Variants in NBEA observed in about 807,000 individuals in gnomAD.
The protein encoded by NBEA is lysosomal-trafficking regulator 2.
A neutral mutation model predicts 343.4 loss-of-function variants in NBEA; 44 were observed. The observed-to-expected ratio is 0.13, with a 90% CI of 0.10 to 0.16. The LOEUF (loss-of-function observed/expected upper bound fraction) is 0.16, where lower values mean the gene tolerates loss of function less well. Ranked by LOEUF, NBEA falls within the 10% of genes least tolerant of loss-of-function variation. NBEA has a pLI of 1.00. For missense variants in NBEA, 2,555 were observed against 3,631.3 expected (o/e 0.70, Z 7.62); for synonymous variants, 1,175 against 1,238.7 (o/e 0.95, Z 1.08).
chr13:35,269,271 C>T (rs533971768), intron 34 of NBEA, among the ~76,000 whole-genome samples: 32 of 152,080 alleles, frequency 2.1e-4, no homozygotes, highest in African/African-American at 7.2e-4. Context: ...TGTTAATATT[C>T]AATACCTAGT....
intron 34 of NBEA, among the ~76,000 whole-genome samples, chr13:35,259,784 CT>C (rs1226885109): frequency 2.6e-5 from 4 of 152,066 alleles, no homozygotes; most frequent in Non-Finnish European, 5.9e-5. Flanking sequence ...CAAAAAGCCA[CT>C]GAAATTTTTT....
chr13:35,205,952 C>T (rs758483467), intron 31 of NBEA, among the ~76,000 whole-genome samples: 14 of 151,878 alleles, frequency 9.2e-5, no homozygotes, highest in Non-Finnish European at 1.5e-4. Context: ...TGCCCAATAC[C>T]ACGTAGTAAC....
intron 10 of NBEA, among the ~76,000 whole-genome samples, chr13:35,081,155 T>A (rs2064373041): frequency 6.6e-6 from 1 of 152,156 alleles, no homozygotes; most frequent in African/African-American, 2.4e-5. Flanking sequence ...ACTCAGCAAT[T>A]CATGGGGGAA....
chr13:35,590,955 G>A (rs893698152), intron 46 of NBEA, among the ~76,000 whole-genome samples: 12 of 152,160 alleles, frequency 7.9e-5, no homozygotes, highest in African/African-American at 2.9e-4. Flanking sequence ...CTGTGCTTGG[G>A]GCTGGGGATA....
intron 1 of NBEA, among the ~76,000 whole-genome samples, chr13:34,951,598 A>G (rs969704288): frequency 1.3e-5 from 2 of 152,226 alleles, no homozygotes; most frequent in Non-Finnish European, 2.9e-5. Flanking sequence ...GCTGAAGCAC[A>G]GGACATCTGT....
At chr13:35,194,157 ACTGT>A (rs1305501681) in intron 30 of NBEA, among the ~76,000 whole-genome samples, 3 of 152,068 alleles carry the variant, frequency 2.0e-5, no homozygotes, top group Non-Finnish European at 2.9e-5. Flanking sequence ...AATTAAAAAA[ACTGT>A]CTAATAGACA....
At position 35,370,074 on chromosome 13, in the gene NBEA, T is replaced by TTTG. The variant is rs551613695; in HGVS notation, c.6179+17763_6179+17765dup. ...CTAAAATACAGTTTAAATTCAATTT[T>TTTG]TTGTTGTTGTTGTTAATTTTCTGTC... On this transcript the variant is annotated intron_variant, in intron 38 of 58. Transcript: ENST00000379939. Among the ~76,000 whole-genome samples, 762 of 152,086 alleles carry TTTG rather than the reference T, an allele frequency of 5.0e-3. 6 individuals are homozygous for TTTG. The highest frequency in any genetic ancestry group is 0.018 in the African/African-American group (740 of 41,544).
At chr13:35,152,275 T>G (rs1311289166) in intron 18 of NBEA, among the ~76,000 whole-genome samples, 1 of 152,240 alleles carries the variant, frequency 6.6e-6, no homozygotes, top group Non-Finnish European at 1.5e-5. Flanking sequence ...CTTTAAGCAC[T>G]TAATAATCAA....
At chr13:35,196,703 T>TA (rs1339620667) in intron 31 of NBEA, among the ~76,000 whole-genome samples, 5 of 152,086 alleles carry the variant, frequency 3.3e-5, no homozygotes, top group Admixed American at 1.3e-4. Context: ...TAAAATACTA[T>TA]AATAATTGTT....
chr13:35,316,510 G>A (rs1012316775), intron 36 of NBEA, among the ~76,000 whole-genome samples: 6 of 152,150 alleles, frequency 3.9e-5, no homozygotes, highest in African/African-American at 1.4e-4. Flanking sequence ...GTCTATCATT[G>A]ATGGGCATTT....
intron 45 of NBEA, among the ~76,000 whole-genome samples, chr13:35,578,640 T>C (rs994695220): frequency 1.3e-5 from 2 of 152,322 alleles, no homozygotes; most frequent in African/African-American, 2.4e-5. Context: ...CAGATACTTA[T>C]GAAAATCAGT....
At chr13:35,197,388 A>T (rs1292644519) in intron 31 of NBEA, among the ~76,000 whole-genome samples, 2 of 152,302 alleles carry the variant, frequency 1.3e-5, no homozygotes, top group African/African-American at 4.8e-5. Flanking sequence ...ATGTCAAAGT[A>T]TATAGTCAAA....
At chr13:35,168,153 A>G (rs978797645) in intron 24 of NBEA, among the ~76,000 whole-genome samples, 1 of 151,772 alleles carries the variant, frequency 6.6e-6, no homozygotes, top group African/African-American at 2.4e-5. Context: ...AGGACTGATC[A>G]TACTTTACTA....
intron 34 of NBEA, among the ~76,000 whole-genome samples, chr13:35,235,778 AT>A (rs1044916528): frequency 5.9e-5 from 9 of 151,886 alleles, no homozygotes; most frequent in African/African-American, 1.9e-4. Flanking sequence ...ATTGAGAGTT[AT>A]TTTTTTTAGC....
At chr13:35,286,596 G>C (rs899689840) in intron 34 of NBEA, among the ~76,000 whole-genome samples, 3 of 152,160 alleles carry the variant, frequency 2.0e-5, no homozygotes, top group South Asian at 4.1e-4. Flanking sequence ...GATGTAAAAA[G>C]TTAGACCCGC....
intron 38 of NBEA, among the ~76,000 whole-genome samples, chr13:35,414,240 T>C (rs1333463578): frequency 1.3e-5 from 2 of 152,184 alleles, no homozygotes; most frequent in Non-Finnish European, 2.9e-5. Context: ...TTACTCTTTT[T>C]TTTATTATAC....
At chr13:35,165,029 G>A (rs567934749) in intron 24 of NBEA, 6 of 527,702 alleles carry the variant, frequency 1.1e-5, no homozygotes, top group Middle Eastern at 6.4e-4. Context: ...TCAGACCAAG[G>A]CAGACTCCAT....
intron 38 of NBEA, among the ~76,000 whole-genome samples, chr13:35,412,328 T>C (rs949333831): frequency 6.6e-6 from 1 of 152,126 alleles, no homozygotes; most frequent in Admixed American, 6.6e-5. Flanking sequence ...TGGAGAACAG[T>C]GCCAGTAAAT....
chr13:35,044,780 T>A (rs147355990), intron 2 of NBEA, among the ~76,000 whole-genome samples, 167 bp from the exon 3 acceptor site: 6 of 151,946 alleles, frequency 3.9e-5, no homozygotes, highest in Non-Finnish European at 7.4e-5. Flanking sequence ...TTAATTGGAA[T>A]GGCTATTCAT....
Sources: gnomAD v4.1 joint callset for allele counts (sites outside exome capture counted in the v4.1 genomes callset) on GRCh38, gnomAD v4.1.1 for gene constraint, MANE v1.5 for transcripts, NCBI Gene and HGNC (gene_info 2026-07-23, HGNC 2026-07-21) for gene names.